SPATA13: variants seen among roughly 807,000 people sequenced by gnomAD.
SPATA13 encodes the protein spermatogenesis associated 13.
A neutral mutation model predicts 104.0 loss-of-function variants in SPATA13; 50 were observed. That is an observed-to-expected ratio of 0.48 (90% CI 0.38 to 0.61). SPATA13 has a LOEUF of 0.61. SPATA13 is among the 20% of genes least tolerant of loss of function. SPATA13 has a pLI of 0.00. For missense variants in SPATA13, 1,524 were observed against 1,690.6 expected (o/e 0.90, Z 1.73); for synonymous variants, 606 against 667.5 (o/e 0.91, Z 1.42).
At chr13:24,255,787 T>A (rs1873761771) in intron 4 of SPATA13, among the ~76,000 whole-genome samples, 1 of 152,352 alleles carries the variant, frequency 6.6e-6, no homozygotes, top group Non-Finnish European at 1.5e-5. Flanking sequence ...TTTAGGTTTA[T>A]ATACCAACGA....
intron 3 of SPATA13, among the ~76,000 whole-genome samples, chr13:24,153,029 G>A (rs1328276167): frequency 6.6e-6 from 1 of 152,256 alleles, no homozygotes; most frequent in African/African-American, 2.4e-5. Context: ...TTGTGCGTGT[G>A]TGTGAGAAAA....
chr13:24,292,969 C>T (rs1156400630), intron 9 of SPATA13, among the ~76,000 whole-genome samples: 1 of 108,284 alleles, frequency 9.2e-6, no homozygotes, highest in African/African-American at 3.6e-5. Context: ...GCACTCCAGC[C>T]TGGGTGACAG....
chr13:24,103,166 A>G (rs949134897), intron 3 of SPATA13, among the ~76,000 whole-genome samples: 4 of 152,200 alleles, frequency 2.6e-5, no homozygotes, highest in Non-Finnish European at 5.9e-5. Flanking sequence ...AGTTCTGAAT[A>G]CGTCAAAATG....
intron 3 of SPATA13, among the ~76,000 whole-genome samples, chr13:24,070,808 G>C (rs901289882): frequency 5.3e-5 from 8 of 151,802 alleles, no homozygotes; most frequent in Non-Finnish European, 1.0e-4. Context: ...AAACTGGCAC[G>C]TCTGGTTTTT....
chr13:24,281,033 G>A (rs1875470498), intron 4 of SPATA13, among the ~76,000 whole-genome samples: 1 of 151,974 alleles, frequency 6.6e-6, no homozygotes, highest in African/African-American at 2.4e-5. Context: ...GTACACACAT[G>A]CATAGCTGGC....
Position 24,289,017 on chromosome 13 carries a change from C to T in SPATA13, c.2686C>T (p.Arg896Cys), listed in dbSNP as rs748667154. The change falls in exon 8 of 13, where the codon CGC becomes TGC. Residue 896 changes from arginine to cysteine, a missense_variant. Transcript: ENST00000382108. ...DICEGYIRQC[R>C]KHTGMFTVAQ... ...TTTGCAGGGCTATATCCGACAGTGCCGCAAGCACACAGGAATGTTCACCGT... is the reference window on the plus strand; with the variant it reads ...TTTGCAGGGCTATATCCGACAGTGCTGCAAGCACACAGGAATGTTCACCGT... 8.7e-6 allele frequency: 14 copies of T among 1,609,342 alleles called. 1 individual carries two copies. Among genetic ancestry groups the T allele is most frequent in the Middle Eastern group, 1.6e-4 (1 of 6,074 alleles).
At chr13:24,121,158 T>G (rs1448393066) in intron 3 of SPATA13, among the ~76,000 whole-genome samples, 3 of 152,180 alleles carry the variant, frequency 2.0e-5, no homozygotes, top group African/African-American at 7.2e-5. Flanking sequence ...TTTTTTACAG[T>G]AAGGTCTGGT....
At chr13:24,018,183 A>G (rs1016322596) in intron 3 of SPATA13, among the ~76,000 whole-genome samples, 1 of 152,258 alleles carries the variant, frequency 6.6e-6, no homozygotes, top group African/African-American at 2.4e-5. Context: ...GGATGAATAT[A>G]ACCTTAGAGT....
chr13:24,121,335 C>T (rs115228509), intron 3 of SPATA13, among the ~76,000 whole-genome samples: 1,679 of 152,234 alleles, frequency 0.011, 38 homozygotes, highest in African/African-American at 0.038. Context: ...ATTGCTAGTT[C>T]GTTTTTCAAT....
chr13:23,991,409 T>C (rs1285505542), intron 2 of SPATA13, among the ~76,000 whole-genome samples: 1 of 152,196 alleles, frequency 6.6e-6, no homozygotes, highest in Non-Finnish European at 1.5e-5. Context: ...TTTACTGCAC[T>C]CTGTCTGAAG....
intron 2 of SPATA13, among the ~76,000 whole-genome samples, chr13:24,014,888 T>A: frequency 1.7e-5 from 1 of 59,686 alleles, no homozygotes; most frequent in African/African-American, 1.1e-4. Context: ...GATTTTTTTT[T>A]TTTTTTTTTT....
chr13:24,158,735 T>G (rs1882339760), upstream of SPATA13, among the ~76,000 whole-genome samples: 1 of 151,998 alleles, frequency 6.6e-6, no homozygotes, highest in Non-Finnish European at 1.5e-5. Context: ...ATAGTAAGAG[T>G]CTTACATGGG....
chr13:24,234,746 A>G (rs1285911357), intron 2 of SPATA13, among the ~76,000 whole-genome samples: 4 of 152,184 alleles, frequency 2.6e-5, no homozygotes, highest in African/African-American at 9.7e-5. Flanking sequence ...TGGAGAGGAT[A>G]TAGCACTCAC....
intron 3 of SPATA13, among the ~76,000 whole-genome samples, chr13:24,053,459 G>A (rs1455562470): frequency 6.6e-6 from 1 of 152,184 alleles, no homozygotes; most frequent in East Asian, 1.9e-4. Flanking sequence ...TCCTATTGGA[G>A]ATGTGAAATT....
chr13:24,109,669 G>A (rs1268933518), intron 3 of SPATA13, among the ~76,000 whole-genome samples: 3 of 152,136 alleles, frequency 2.0e-5, no homozygotes, highest in Admixed American at 6.5e-5. Flanking sequence ...TAGAACCTAC[G>A]GAAACTCTTT....
chr13:24,142,536 C>T (rs1282710833), intron 3 of SPATA13, among the ~76,000 whole-genome samples: 2 of 152,162 alleles, frequency 1.3e-5, no homozygotes, highest in East Asian at 3.9e-4. Flanking sequence ...TATCACAGAA[C>T]AGATGCTGCA....
At chr13:24,089,656 A>T (rs1026307026) in intron 3 of SPATA13, among the ~76,000 whole-genome samples, 2 of 152,262 alleles carry the variant, frequency 1.3e-5, no homozygotes, top group Non-Finnish European at 2.9e-5. Flanking sequence ...AGTGCAGTCC[A>T]TGCGATATTT....
chr13:24,132,771 C>G (rs982518099), intron 3 of SPATA13, among the ~76,000 whole-genome samples: 1 of 151,976 alleles, frequency 6.6e-6, no homozygotes. Flanking sequence ...GTCAAGAGTT[C>G]GAGACCAGCC....
intron 3 of SPATA13, among the ~76,000 whole-genome samples, chr13:24,018,535 T>C (rs1018409007): frequency 6.6e-6 from 1 of 152,242 alleles, no homozygotes; most frequent in Non-Finnish European, 1.5e-5. Flanking sequence ...ATTTAGATAA[T>C]TTAATTTGAG....
Sources: gnomAD v4.1 joint callset for allele counts (sites outside exome capture counted in the v4.1 genomes callset) on GRCh38, gnomAD v4.1.1 for gene constraint, MANE v1.5 for transcripts, NCBI Gene and HGNC (gene_info 2026-07-23, HGNC 2026-07-21) for gene names.